The following MYOM2 variants were observed in gnomAD, a reference collection of about 807,000 sequenced individuals.
MYOM2 encodes myomesin-2.
MYOM2 carries 254 observed loss-of-function variants against 187.6 expected under a neutral mutation model. That is an observed-to-expected ratio of 1.35 (90% CI 1.22 to 1.50). The LOEUF is 1.50. MYOM2 is among the 40% of genes most tolerant of loss of function. The pLI is 0.00. For synonymous variants in MYOM2, 981 were observed against 753.8 expected (o/e 1.30, Z -4.94); for missense variants, 2,796 against 1,924.0 (o/e 1.45, Z -8.48).
intron 6 of MYOM2, among the ~76,000 whole-genome samples, chr8:2,067,684 G>A (rs1324240355): frequency 6.6e-6 from 1 of 152,154 alleles, no homozygotes; most frequent in Non-Finnish European, 1.5e-5. Flanking sequence ...TGGATATGGG[G>A]AAGCAGAAGA....
chr8:2,067,441 C>T (rs903509108), intron 6 of MYOM2, among the ~76,000 whole-genome samples: 2 of 152,154 alleles, frequency 1.3e-5, no homozygotes, highest in Non-Finnish European at 1.5e-5. Context: ...TAGCTTCTTA[C>T]CTTACTGTGT....
At chr8:2,061,025 C>T (rs1334659919) in intron 6 of MYOM2, among the ~76,000 whole-genome samples, 1 of 152,068 alleles carries the variant, frequency 6.6e-6, no homozygotes, top group East Asian at 1.9e-4. Context: ...AGGCTGGGGC[C>T]ATCAGACATC....
chr8:2,099,279 C>T (rs1796604179), intron 19 of MYOM2, among the ~76,000 whole-genome samples: 2 of 152,208 alleles, frequency 1.3e-5, no homozygotes. Flanking sequence ...GGGACAGCTT[C>T]CCATGCATCC....
intron 13 of MYOM2, among the ~76,000 whole-genome samples, chr8:2,083,294 CTTAGCAGTGTCTCATGTGTGT>C (rs1175950479): frequency 5.1e-4 from 77 of 152,292 alleles, no homozygotes; most frequent in African/African-American, 1.6e-3. Flanking sequence ...CTAGCCTTTG[CTTAGCAGTGTCTCATGTGTGT>C]TTAGCAGTGT....
At chr8:2,104,181 G>A (rs1021742226) in intron 21 of MYOM2, among the ~76,000 whole-genome samples, 2 of 152,084 alleles carry the variant, frequency 1.3e-5, no homozygotes, top group African/African-American at 4.8e-5. Flanking sequence ...TGATTTCAAC[G>A]AATAAAAGTT....
intron 1 of MYOM2, among the ~76,000 whole-genome samples, chr8:2,045,844 G>T (rs966985968): frequency 1.3e-5 from 2 of 152,214 alleles, no homozygotes; most frequent in African/African-American, 4.8e-5. Flanking sequence ...AAAGACAGTG[G>T]GGCTGGGTGG....
At chr8:2,052,433 T>G in intron 3 of MYOM2, 120 bp downstream of exon 3, 1 of 1,083,530 alleles carries the variant, frequency 9.2e-7, no homozygotes, top group Non-Finnish European at 1.3e-6. Context: ...ACACAGGCCA[T>G]GCCTGGGGTG....
In MYOM2 at chr8:2,058,113, G is replaced by A. The variant is rs150949882; in HGVS notation, c.560+333G>A. 5.5e-3 allele frequency among the ~76,000 whole-genome samples: 786 copies of A among 142,478 alleles called. 3 individuals carry two copies. Among genetic ancestry groups the A allele is most frequent in the Non-Finnish European group, 7.6e-3 (507 of 66,708 alleles). The allele number at this position is 142,478 out of a possible 152,430, so 93.5% of individuals were successfully genotyped here. ...AGCTCAGTGCAATCTCCACTTCCCT[G>A]GTTTAAGTGATTCTCCTGCCTCAGC... On this transcript the variant is annotated intron_variant, in intron 5 of 36. Coordinates refer to ENST00000262113, the MANE Select transcript of MYOM2 (RefSeq NM_003970.4).
In MYOM2 at chr8:2,092,282, A is replaced by C; in HGVS notation, c.1829-64A>C. 3 of 1,552,594 alleles carry C rather than the reference A, an allele frequency of 1.9e-6. No individual in the cohort carries two copies. In the South Asian group the frequency reaches 3.6e-5, roughly 19 times the overall value. On this transcript the variant is annotated intron_variant, in intron 15 of 36. Transcript: ENST00000262113. ...AGTTCCCTGTGAAAAGGGCCGGAAG[A>C]TCTCTGCTGTAGCTTCCAAAGCTCT...
chr8:2,076,219 T>C lies in MYOM2; in HGVS notation c.1199T>C (p.Ile400Thr), dbSNP rs1446271607. The C allele has an allele frequency of 1.2e-6, 2 of 1,613,582 alleles. No individual in the cohort carries two copies. The highest frequency in any genetic ancestry group is 1.1e-5 in the South Asian group (1 of 90,932). The change falls in exon 11 of 37, where the codon ATC becomes ACC. Residue 400 changes from isoleucine to threonine, a missense_variant. Ile to Thr is a moderately conservative substitution (Grantham distance 89). Transcript: ENST00000262113. Reference protein sequence around the residue: ...QCHDANRDYVIVTWKPPNTTT... With the variant: ...QCHDANRDYVTVTWKPPNTTT... Reference sequence around the variant, plus strand: ...CACGACGCCAACCGGGACTACGTCATCGTGACCTGGAAGCCGCCCAACACC... The same window carrying C: ...CACGACGCCAACCGGGACTACGTCACCGTGACCTGGAAGCCGCCCAACACC...
Position 2,144,948 on chromosome 8 carries a change from C to T in MYOM2, c.4365C>T (p.Leu1455=), listed in dbSNP as rs202224359. The change falls in exon 37 of 37, where the codon CTC becomes CTT. Residue 1455 remains leucine (L), a synonymous_variant. Transcript: ENST00000262113. ...MAPPQQAKPK[L]IPASASAAGQ ...CGCCCCAGCAAGCCAAGCCCAAGCT[C>T]ATCCCCGCGTCTGCCTCAGCGGCAG... 2.5e-6 allele frequency: 4 copies of T among 1,614,210 alleles called. No individual in the cohort carries two copies. The Admixed American group carries it at 5.0e-5, about 20-fold the overall frequency.
chr8:2,104,739 A>C (rs985030946), intron 21 of MYOM2, among the ~76,000 whole-genome samples: 1 of 152,104 alleles, frequency 6.6e-6, no homozygotes, highest in African/African-American at 2.4e-5. Context: ...CCGCTGCCCC[A>C]CAACATGGTA....
chr8:2,083,228 A>G (rs1819690130), intron 13 of MYOM2, among the ~76,000 whole-genome samples: 2 of 152,106 alleles, frequency 1.3e-5, no homozygotes, highest in South Asian at 4.2e-4. Flanking sequence ...TTGGCCCAAT[A>G]CTCAATTGGG....
In MYOM2 at chr8:2,052,273, G is replaced by T. The variant is rs766373743; in HGVS notation, c.223G>T (p.Val75Leu). The T allele has an allele frequency of 6.2e-7, 1 of 1,609,766 alleles. No individual in the cohort carries two copies. Among genetic ancestry groups the T allele is most frequent in the Non-Finnish European group, 8.5e-7 (1 of 1,178,266 alleles). ...GTICRVCAKR[V>L]STQEDEEQEN... is the part of the protein sequence containing the mutation. ...CATCTGCAGGGTCTGTGCGAAGCGA[G>T]TGAGCACGCAGGAAGATGAGGAGCA... is the stretch of plus-strand genomic sequence containing the variant. Residue 75 changes from valine to leucine, a missense_variant, in exon 3 of 37, where the codon GTG becomes TTG. Val to Leu is a conservative substitution (Grantham distance 32). Coordinates refer to ENST00000262113, the MANE Select transcript of MYOM2 (RefSeq NM_003970.4).
chr8:2,141,785 G>A (rs1798281619), intron 34 of MYOM2, among the ~76,000 whole-genome samples: 2 of 152,148 alleles, frequency 1.3e-5, no homozygotes, highest in Admixed American at 6.5e-5. Context: ...GGACTTAGGC[G>A]GTTTCTAATC....
rs1251457196 is a variant in MYOM2, at chr8:2,052,208, C to G, written c.158C>G (p.Ser53Cys). The change falls in exon 3 of 37, where the codon TCT becomes TGT. Residue 53 changes from serine to cysteine, a missense_variant. Physicochemically the swap from Ser to Cys is moderately radical, Grantham distance 112 (BLOSUM62 -1). Coordinates refer to ENST00000262113, the MANE Select transcript of MYOM2 (RefSeq NM_003970.4). ...SSQKSLSQRS[S>C]SQRASSQTSL... ...CAGAAGTCCTTGAGTCAGCGGTCGT[C>G]TTCACAGAGAGCCTCCAGCCAGACG... The G allele has an allele frequency of 6.2e-7, 1 of 1,613,334 alleles. No homozygotes were observed. The highest frequency in any genetic ancestry group is 8.5e-7 in the Non-Finnish European group (1 of 1,179,736).
At chr8:2,119,930 T>G (rs1035377435) in intron 28 of MYOM2, among the ~76,000 whole-genome samples, 6 of 151,710 alleles carry the variant, frequency 4.0e-5, no homozygotes, top group South Asian at 2.1e-4. Context: ...GATCCATCAG[T>G]GCAGCCCGTT....
rs1428279071 is a variant in MYOM2, at chr8:2,069,419, C to T, written c.743-28C>T. ...CACCTCCCGCCTCCTTTTCTCTTTT[C>T]TGCTGCACTCACTTTGCTGTCTTGC... On this transcript the variant is annotated intron_variant, in intron 7 of 36. Transcript: ENST00000262113. The T allele has an allele frequency of 2.5e-6, 4 of 1,614,150 alleles. No individual in the cohort carries two copies. The African/African-American group carries it at 4.0e-5, about 16-fold the overall frequency.
chr8:2,105,871 C>A (rs145352965), intron 21 of MYOM2, among the ~76,000 whole-genome samples: 15 of 152,284 alleles, frequency 9.9e-5, no homozygotes, highest in African/African-American at 3.6e-4. Context: ...ATATCTGAGA[C>A]TGGGTGACTT....
Sources: allele counts gnomAD v4.1 joint callset (sites outside exome capture counted in the v4.1 genomes callset), GRCh38; gene constraint gnomAD v4.1.1; transcripts MANE v1.5; gene names NCBI Gene and HGNC (gene_info 2026-07-23, HGNC 2026-07-21).